The following ROBO2 variants were observed in gnomAD, a reference collection of about 807,000 sequenced individuals.
The protein encoded by ROBO2 is roundabout guidance receptor 2, also known as roundabout homolog 2.
A neutral mutation model predicts 160.8 loss-of-function variants in ROBO2; 53 were observed. The observed-to-expected ratio is 0.33, with a 90% CI of 0.26 to 0.41. ROBO2 has a LOEUF of 0.41. ROBO2 is among the 10% of genes least tolerant of loss of function. The pLI is 1.00. For synonymous variants in ROBO2, 664 were observed against 611.7 expected (o/e 1.09, Z -1.26); for missense variants, 1,577 against 1,722.4 (o/e 0.92, Z 1.49).
At chr3:77,423,663 C>G (rs533720711) in intron 2 of ROBO2, among the ~76,000 whole-genome samples, 4 of 152,280 alleles carry the variant, frequency 2.6e-5, no homozygotes, top group Non-Finnish European at 5.9e-5. Flanking sequence ...ATGTGCCCAG[C>G]ATTTTTGCTG....
intron 2 of ROBO2, among the ~76,000 whole-genome samples, chr3:76,857,368 G>C (rs1383626478): frequency 6.6e-6 from 1 of 152,074 alleles, no homozygotes; most frequent in Non-Finnish European, 1.5e-5. Context: ...GTAAATTAAT[G>C]CATTTCTGTT....
chr3:77,175,415 A>G (rs960776016), intron 2 of ROBO2, among the ~76,000 whole-genome samples: 1 of 152,048 alleles, frequency 6.6e-6, no homozygotes, highest in African/African-American at 2.4e-5. Context: ...TGGAATGATA[A>G]TGTAGAGGTC....
At chr3:77,489,145 G>C (rs2085750444) in intron 4 of ROBO2, among the ~76,000 whole-genome samples, 1 of 152,194 alleles carries the variant, frequency 6.6e-6, no homozygotes, top group South Asian at 2.1e-4. Context: ...AATTTCCCAT[G>C]TCACATGTTG....
At position 76,972,835 on chromosome 3, in the gene ROBO2, A is replaced by G. The variant is rs79558687; in HGVS notation, c.110-125179A>G. Among the ~76,000 whole-genome samples the G allele has an allele frequency of 4.6e-5, 7 of 152,340 alleles. No individual in the cohort carries two copies. In the East Asian group the frequency reaches 1.2e-3, roughly 25 times the overall value. ...GGGCAACAGAGTGAGATCATGTCTC[A>G]GAGAAATACATAAATAAATACATAC... On this transcript the variant is annotated intron_variant, in intron 2 of 26. Transcript: ENST00000487694.
intron 2 of ROBO2, among the ~76,000 whole-genome samples, chr3:76,857,491 T>G (rs2148589098): frequency 6.6e-6 from 1 of 152,336 alleles, no homozygotes; most frequent in Non-Finnish European, 1.5e-5. Flanking sequence ...GCATTTATTT[T>G]TAGTCACAAT....
chr3:77,193,953 G>GA (rs34377179), intron 2 of ROBO2, among the ~76,000 whole-genome samples: 29,771 of 151,822 alleles, frequency 0.2, 3,355 homozygotes, highest in Middle Eastern at 0.31. Flanking sequence ...TGAAAATCAG[G>GA]AACTATATTT....
At chr3:76,870,197 A>G (rs539741001) in intron 2 of ROBO2, among the ~76,000 whole-genome samples, 17 of 152,334 alleles carry the variant, frequency 1.1e-4, no homozygotes, top group Admixed American at 2.0e-4. Context: ...TAATAATCCC[A>G]GAGACAAACC....
At chr3:77,552,916 A>G (rs534275731) in intron 8 of ROBO2, among the ~76,000 whole-genome samples, 1 of 152,042 alleles carries the variant, frequency 6.6e-6, no homozygotes, top group Non-Finnish European at 1.5e-5. Context: ...GAACACATTT[A>G]TTTTGATATA....
intron 24 of ROBO2, among the ~76,000 whole-genome samples, chr3:77,635,772 C>T (rs773657719): frequency 2.2e-4 from 33 of 152,294 alleles, no homozygotes; most frequent in Non-Finnish European, 4.3e-4. Context: ...TGTAAATATA[C>T]TACGTGACAC....
chr3:77,119,267 A>G (rs546035255), intron 2 of ROBO2, among the ~76,000 whole-genome samples: 1 of 152,320 alleles, frequency 6.6e-6, no homozygotes, highest in Non-Finnish European at 1.5e-5. Flanking sequence ...TCTTTATAGC[A>G]GTGTGAAAAC....
rs367597637 is a variant in ROBO2, at chr3:76,201,159, G to A, written c.109+263557G>A. On this transcript the variant is annotated intron_variant, in intron 2 of 26. Coordinates refer to the ROBO2 transcript ENST00000487694. ...AATTTTTTTCTGAATCAGTCTTTATGCCACAACAGTCTTCTCAGTTATTTG... is the reference window on the plus strand; with the variant it reads ...AATTTTTTTCTGAATCAGTCTTTATACCACAACAGTCTTCTCAGTTATTTG... Among the ~76,000 whole-genome samples, 8 of 152,136 alleles carry A rather than the reference G, an allele frequency of 5.3e-5. No homozygotes were observed. The East Asian group carries it at 9.6e-4, about 18-fold the overall frequency.
chr3:77,490,332 T>C (rs1391830100), intron 4 of ROBO2, among the ~76,000 whole-genome samples: 2 of 151,970 alleles, frequency 1.3e-5, no homozygotes, highest in African/African-American at 4.8e-5. Context: ...CCTCGTGATC[T>C]GCCCACCTCG....
At chr3:76,262,259 A>G (rs1274987085) in intron 2 of ROBO2, among the ~76,000 whole-genome samples, 1 of 152,116 alleles carries the variant, frequency 6.6e-6, no homozygotes, top group Non-Finnish European at 1.5e-5. Flanking sequence ...AAAGAATATG[A>G]GTATTTGGTG....
At chr3:76,173,379 T>G (rs184185791) in intron 2 of ROBO2, among the ~76,000 whole-genome samples, 14 of 152,262 alleles carry the variant, frequency 9.2e-5, no homozygotes, top group Admixed American at 9.2e-4. Flanking sequence ...CTGGGATACA[T>G]GTGCTGGACT....
chr3:77,460,069 A>C (rs542561833), intron 2 of ROBO2, among the ~76,000 whole-genome samples: 52 of 152,156 alleles, frequency 3.4e-4, no homozygotes, highest in Middle Eastern at 6.8e-3. Flanking sequence ...GAGTAAGAGT[A>C]AGATTGTTGA....
At chr3:77,513,070 T>A (rs1217017240) in intron 5 of ROBO2, among the ~76,000 whole-genome samples, 2 of 151,906 alleles carry the variant, frequency 1.3e-5, no homozygotes, top group South Asian at 2.1e-4. Context: ...GAGATGAGAA[T>A]GGCCAGTCAG....
intron 2 of ROBO2, among the ~76,000 whole-genome samples, chr3:76,414,175 G>A (rs2075639721): frequency 6.6e-6 from 1 of 152,118 alleles, no homozygotes; most frequent in South Asian, 2.1e-4. Context: ...CACAACATGG[G>A]GAATTCTGGG....
chr3:76,188,018 A>C (rs909488881), intron 2 of ROBO2, among the ~76,000 whole-genome samples: 2 of 152,052 alleles, frequency 1.3e-5, no homozygotes, highest in Admixed American at 6.6e-5. Context: ...TAATCTGTGC[A>C]CTCAGATTGC....
intron 2 of ROBO2, among the ~76,000 whole-genome samples, chr3:77,352,163 C>G (rs2153459189): frequency 6.7e-6 from 1 of 149,854 alleles, no homozygotes; most frequent in East Asian, 2.0e-4. Flanking sequence ...TCTAGAGGAC[C>G]TTATTTTAAA....
Sources: allele counts gnomAD v4.1 joint callset (sites outside exome capture counted in the v4.1 genomes callset), GRCh38; gene constraint gnomAD v4.1.1; transcripts MANE v1.5; gene names NCBI Gene and HGNC (gene_info 2026-07-23, HGNC 2026-07-21).